Variants in VPS35L observed in about 807,000 individuals in gnomAD.
VPS35L encodes the protein VPS35 endosomal protein-sorting factor-like.
A neutral mutation model predicts 133.0 loss-of-function variants in VPS35L; 83 were observed. That is an observed-to-expected ratio of 0.62 (90% confidence interval 0.52 to 0.75). The LOEUF (loss-of-function observed/expected upper bound fraction) is 0.75. Among genes scored for constraint, VPS35L ranks in the 30% least tolerant of loss-of-function variants. The pLI is 0.00. For missense variants in VPS35L, 1,083 were observed against 1,206.8 expected (o/e 0.90, Z 1.52); for synonymous variants, 423 against 449.9 (o/e 0.94, Z 0.76).
intron 14 of VPS35L, among the ~76,000 whole-genome samples, chr16:19,624,714 G>A (rs1054953937): frequency 1.3e-5 from 2 of 152,180 alleles, no homozygotes; most frequent in African/African-American, 4.8e-5. Context: ...CCAAAGTGCT[G>A]GGATTACAGG....
chr16:19,656,278 A>AAAG (rs1555505039), intron 26 of VPS35L, among the ~76,000 whole-genome samples: 26 of 145,170 alleles, frequency 1.8e-4, no homozygotes, highest in African/African-American at 7.2e-4. Context: ...AAAAAAAAAA[A>AAAG]AAAGAAAGAA....
rs1976038420 is a variant in VPS35L at position 19,699,580 on chromosome 16, C to T, written c.2725C>T (p.Leu909Phe). 6.2e-7 allele frequency: 1 copy of T among 1,614,094 alleles called. No individual in the cohort carries two copies. The highest frequency in any genetic ancestry group is 1.3e-5 in the African/African-American group (1 of 74,942). ...LAHGDLRNNK[L>F]NQLSVNLWHL... The stretch of plus-strand genomic sequence containing the variant: ...CCATGGGGACCTACGCAACAACAAG[C>T]TCAACCAGCTCTCCGTCAACCTGTG... Residue 909 changes from leucine (L) to phenylalanine (F), a missense_variant, in exon 30 of 31, where the codon CTC becomes TTC. Physicochemically the swap from Leu to Phe is conservative, Grantham distance 22. Transcript: ENST00000417362. This position sits in a 1 kb window ranked among gnomAD's most constrained non-coding sequence, Gnocchi z 4.2.
At chr16:19,670,178 C>G (rs1027102477) in intron 27 of VPS35L, among the ~76,000 whole-genome samples, 2 of 152,232 alleles carry the variant, frequency 1.3e-5, no homozygotes, top group Non-Finnish European at 2.9e-5. Flanking sequence ...GCCTTTTGAG[C>G]AATTGGTCCT....
In VPS35L at chr16:19,633,579, C is replaced by T. The variant is rs904697439; in HGVS notation, c.1635+407C>T. On this transcript the variant is annotated intron_variant, in intron 19 of 30. Transcript: ENST00000417362. The surrounding 1 kb of genome is among the most constrained non-coding windows in gnomAD (Gnocchi z 4.1). ...TCACGGAGGCTGGAGTGCAGTGGTG[C>T]GATCACCGCTTGGCACAGCCTCGAC... Among the ~76,000 whole-genome samples, 10 of 152,036 alleles carry T rather than the reference C, an allele frequency of 6.6e-5. No homozygotes were observed. Among genetic ancestry groups the T allele is most frequent in the African/African-American group, 1.2e-4 (5 of 41,372 alleles).
At chr16:19,691,162 C>T (rs1975665479) in intron 28 of VPS35L, among the ~76,000 whole-genome samples, 191 bp from the exon 29 acceptor site, 1 of 152,178 alleles carries the variant, frequency 6.6e-6, no homozygotes, top group Admixed American at 6.5e-5. Context: ...TTAGACTGTC[C>T]TGCAGGCTGG....
chr16:19,610,352 A>G lies in VPS35L; in HGVS notation c.960A>G (p.Thr320=), dbSNP rs1972674262. ...TTTCAGAGTGCCTGCCCCGGTTGAC[A>G]TGCATGATCAGAGGGATCGGAGACC... is the stretch of plus-strand genomic sequence containing the variant. ...TGISECLPRL[T]CMIRGIGDPL... Residue 320 remains threonine (T), a synonymous_variant, in exon 12 of 31, where the codon ACA becomes ACG. Transcript: ENST00000417362. 8.7e-6 allele frequency: 14 copies of G among 1,614,014 alleles called. No individual in the cohort carries two copies. Among genetic ancestry groups the G allele is most frequent in the Non-Finnish European group, 1.1e-5 (13 of 1,180,024 alleles).
chr16:19,621,800 A>G (rs1973090513), intron 14 of VPS35L, among the ~76,000 whole-genome samples: 1 of 152,212 alleles, frequency 6.6e-6, no homozygotes, highest in Non-Finnish European at 1.5e-5. Context: ...TTGGTTTTTT[A>G]AAGTTATATT....
intron 8 of VPS35L, among the ~76,000 whole-genome samples, chr16:19,597,235 G>C: frequency 6.6e-6 from 1 of 151,968 alleles, no homozygotes; most frequent in East Asian, 1.9e-4. Context: ...GCTAGGTTTG[G>C]TGGTACAAGC....
chr16:19,689,082 A>C (rs1402156962), intron 28 of VPS35L, among the ~76,000 whole-genome samples: 2 of 138,880 alleles, frequency 1.4e-5, no homozygotes, highest in African/African-American at 2.8e-5. Context: ...CTCTGTCGCC[A>C]GGCTGGAGTG....
At chr16:19,663,195 C>T (rs1383946907) in intron 26 of VPS35L, among the ~76,000 whole-genome samples, 1 of 152,122 alleles carries the variant, frequency 6.6e-6, no homozygotes, top group African/African-American at 2.4e-5. Flanking sequence ...CCTATAATCC[C>T]AGCTACTCTG....
intron 1 of VPS35L, among the ~76,000 whole-genome samples, chr16:19,559,398 G>A (rs1413605942): frequency 6.6e-6 from 1 of 152,148 alleles, no homozygotes; most frequent in Non-Finnish European, 1.5e-5. Flanking sequence ...CTTTTTTCCT[G>A]TGGCAGGTGC....
intron 8 of VPS35L, among the ~76,000 whole-genome samples, 184 bp downstream of exon 8, chr16:19,592,058 T>G (rs1972061815): frequency 6.6e-6 from 1 of 152,048 alleles, no homozygotes; most frequent in African/African-American, 2.4e-5. Flanking sequence ...CATTCTAAAA[T>G]TTCTAAAATT....
At chr16:19,652,423 C>G (rs1974162637) in intron 26 of VPS35L, 1 of 207,986 alleles carries the variant, frequency 4.8e-6, no homozygotes, top group Non-Finnish European at 9.7e-6. Context: ...TGCTTCCCAC[C>G]TGGGCTCAAA....
At chr16:19,588,207 A>C (rs549255737) in intron 7 of VPS35L, among the ~76,000 whole-genome samples, 1 of 140,872 alleles carries the variant, frequency 7.1e-6, no homozygotes, top group African/African-American at 2.8e-5. Flanking sequence ...ATTGAGACAG[A>C]GTCTTGCTCT....
At chr16:19,580,303 G>C (rs1354406390) in intron 6 of VPS35L, among the ~76,000 whole-genome samples, 1 of 149,928 alleles carries the variant, frequency 6.7e-6, no homozygotes, top group Non-Finnish European at 1.5e-5. Context: ...TAGGTGAGAG[G>C]GTTTCACGAT....
chr16:19,693,652 T>C (rs1389233597), intron 29 of VPS35L, among the ~76,000 whole-genome samples: 2 of 151,750 alleles, frequency 1.3e-5, no homozygotes, highest in South Asian at 2.1e-4. Context: ...GGTGTGGTGG[T>C]GTGTGCCTGT....
At chr16:19,588,174 T>TGTATGTATGTAC (rs1304176843) in intron 7 of VPS35L, among the ~76,000 whole-genome samples, 9 of 150,578 alleles carry the variant, frequency 6.0e-5, no homozygotes, top group Admixed American at 4.7e-4. Context: ...TATGTATGTA[T>TGTATGTATGTAC]GTATGTATGT....
chr16:19,678,970 C>T lies in VPS35L; in HGVS notation c.2362-3255C>T, dbSNP rs73539573. The stretch of plus-strand genomic sequence containing the variant: ...GTACCACCTTTTTGACAGTGTGTTG[C>T]ATGGTCTGTCACAAGACTTATGCAT... On this transcript the variant is annotated intron_variant, in intron 27 of 30. Coordinates refer to ENST00000417362, the MANE Select transcript of VPS35L (RefSeq NM_020314.7). Among the ~76,000 whole-genome samples the T allele has an allele frequency of 9.0e-3, 1,365 of 152,254 alleles. 14 individuals carry two copies. The highest frequency in any genetic ancestry group is 0.031 in the African/African-American group (1,286 of 41,538).
intron 28 of VPS35L, among the ~76,000 whole-genome samples, chr16:19,683,052 G>C (rs1191605580): frequency 6.6e-6 from 1 of 152,132 alleles, no homozygotes; most frequent in Admixed American, 6.6e-5. Context: ...AGCTTCCCAA[G>C]TAGCTGGGAA....
Sources: allele counts gnomAD v4.1 joint callset (sites outside exome capture counted in the v4.1 genomes callset), GRCh38; gene constraint gnomAD v4.1.1; non-coding constraint Gnocchi (gnomAD v3.1); transcripts MANE v1.5; gene names NCBI Gene and HGNC (gene_info 2026-07-23, HGNC 2026-07-21).